STRA6: variants seen among roughly 807,000 people sequenced by gnomAD.
The protein encoded by STRA6 is receptor for retinol uptake STRA6.
A neutral mutation model predicts 83.6 loss-of-function variants in STRA6; 48 were observed. The ratio of observed to expected loss-of-function variants is 0.57; its 90% CI spans 0.46 to 0.73. The LOEUF (loss-of-function observed/expected upper bound fraction) is 0.73, where lower values mean the gene tolerates loss of function less well. Ranked by LOEUF, STRA6 falls within the 30% of genes least tolerant of loss-of-function variation. The pLI, the probability that STRA6 is intolerant of heterozygous loss-of-function variation, is 0.00. For synonymous variants in STRA6, 353 were observed against 362.3 expected (o/e 0.97, Z 0.29); for missense variants, 760 against 838.8 (o/e 0.91, Z 1.16).
chr15:74,188,468 C>G lies in STRA6; in HGVS notation c.1090+647G>C, dbSNP rs1356435126. Among the ~76,000 whole-genome samples the G allele has an allele frequency of 6.6e-6, 1 of 152,270 alleles. No homozygotes were observed. Among genetic ancestry groups the G allele is most frequent in the East Asian group, 1.9e-4 (1 of 5,204 alleles). ...GGAGCCCTGCGTTCTCTTGGCTGCA[C>G]TCTGCCCTGCTGGATGGCCTCAGGC... is the stretch of plus-strand genomic sequence containing the variant. On this transcript the variant is annotated intron_variant, in intron 12 of 18. Coordinates refer to ENST00000395105, the MANE Select transcript of STRA6 (RefSeq NM_022369.4). This position sits in a 1 kb window ranked among gnomAD's most constrained non-coding sequence, Gnocchi z 4.5.
In STRA6 at chr15:74,202,193, G is replaced by A; in HGVS notation, c.75C>T (p.Ile25=). The change falls in exon 2 of 19, where the codon ATC becomes ATT. Residue 25 remains isoleucine (I), a synonymous_variant. Transcript: ENST00000395105. ...TEDYSYGSWY[I]DEPQGGEELQ... The stretch of plus-strand genomic sequence containing the variant: ...GCTCCTCGCCCCCCTGGGGCTCATC[G>A]ATGTACCAGCTGCCATAGGAGTAGT... 6.6e-7 allele frequency: 1 copy of A among 1,517,316 alleles called. No homozygotes were observed. Among genetic ancestry groups the A allele is most frequent in the Non-Finnish European group, 8.8e-7 (1 of 1,135,946 alleles). 94.0% of individuals were successfully genotyped at this position (1,517,316 alleles called of 1,614,324 possible).
chr15:74,192,528 C>T (rs768356451), intron 8 of STRA6, among the ~76,000 whole-genome samples: 1 of 152,130 alleles, frequency 6.6e-6, no homozygotes, highest in East Asian at 1.9e-4. Context: ...CTGACCTTGC[C>T]GAGTTAACAC....
intron 4 of STRA6, among the ~76,000 whole-genome samples, chr15:74,196,989 A>C (rs1007170297): frequency 9.9e-5 from 15 of 152,216 alleles, no homozygotes; most frequent in Non-Finnish European, 1.8e-4. Context: ...TGATACCCTC[A>C]GGGAAGATGA....
rs1417541541 is a variant in STRA6 at position 74,195,676 on chromosome 15, C to A, written c.407-1G>T. 4.3e-6 allele frequency: 6 copies of A among 1,385,274 alleles called. No individual in the cohort carries two copies. Among genetic ancestry groups the A allele is most frequent in the Non-Finnish European group, 6.0e-6 (6 of 995,484 alleles). The allele number at this position is 1,385,274 out of a possible 1,614,324, so 85.8% of individuals were successfully genotyped here. A position where few individuals can be genotyped will look rare whatever the true frequency, so the allele number is the denominator to read the frequency against. The stretch of plus-strand genomic sequence containing the variant: ...CCTCTTGGAGCCTCAGTTTTCCCAT[C>A]TGTAAAATGAAAATAATCACAGTAT... On this transcript the variant is annotated splice_acceptor_variant, in intron 5 of 18. Transcript: ENST00000395105. LOFTEE classifies it high-confidence loss of function.
At chr15:74,191,135 G>A in intron 10 of STRA6, 32 bp downstream of exon 10, 2 of 1,611,872 alleles carry the variant, frequency 1.2e-6, no homozygotes, top group South Asian at 2.2e-5. Flanking sequence ...AACGTCCCCT[G>A]TCACGCTCGG....
At chr15:74,210,949 T>C (rs2074358710), upstream of STRA6, among the ~76,000 whole-genome samples, 1 of 152,046 alleles carries the variant, frequency 6.6e-6, no homozygotes, top group African/African-American at 2.4e-5. Context: ...ATGAGTTAAG[T>C]AGAATAGAGC....
chr15:74,193,995 T>C (rs1307669366), intron 7 of STRA6, 73 bp from the exon 8 acceptor site: 3 of 1,589,250 alleles, frequency 1.9e-6, no homozygotes, highest in Non-Finnish European at 2.6e-6. Flanking sequence ...TCCGTTGCCC[T>C]TCCCACCTCA....
At chr15:74,201,778 A>G (rs961081280) in intron 2 of STRA6, among the ~76,000 whole-genome samples, 16 of 152,118 alleles carry the variant, frequency 1.1e-4, no homozygotes, top group African/African-American at 3.6e-4. Flanking sequence ...ACAGAGACCA[A>G]TAACCCCTTG....
chr15:74,182,295 G>A (rs2073032353), intron 15 of STRA6, 33 bp from the exon 16 acceptor site: 1 of 1,613,182 alleles, frequency 6.2e-7, no homozygotes, highest in Non-Finnish European at 8.5e-7. Context: ...GTCGCTGTTA[G>A]CGGACCTCTA....
Position 74,182,448 on chromosome 15 carries a change from T to C in STRA6, c.1313A>G (p.Gln438Arg), listed in dbSNP as rs869025269. Residue 438 changes from glutamine to arginine, a missense_variant, in exon 15 of 19, where the codon CAG (glutamine) becomes CGG (arginine). By Grantham distance (43) the Gln-to-Arg change is conservative (BLOSUM62 1). Coordinates refer to ENST00000395105, the MANE Select transcript of STRA6 (RefSeq NM_022369.4). ...TAFICLGLLV[Q>R]QIIFFLGTTA... Reference sequence around the variant, plus strand: ...GGTTCCCAGGAAGAAGATGATCTGCTGCACCAGGAGCCCTGCCAGGGGCGG... The same window carrying C: ...GGTTCCCAGGAAGAAGATGATCTGCCGCACCAGGAGCCCTGCCAGGGGCGG... 4 of 1,609,718 alleles carry C rather than the reference T, an allele frequency of 2.5e-6. No individual in the cohort carries two copies. Among genetic ancestry groups the C allele is most frequent in the Non-Finnish European group, 3.4e-6 (4 of 1,178,094 alleles).
intron 4 of STRA6, 132 bp downstream of exon 4, chr15:74,197,205 TC>T: frequency 1.5e-6 from 1 of 675,166 alleles, no homozygotes; most frequent in Non-Finnish European, 2.6e-6. Flanking sequence ...TGAGGAAAGC[TC>T]CAGGCTGAGG....
At chr15:74,183,181 A>C in intron 14 of STRA6, 1 of 162,096 alleles carries the variant, frequency 6.2e-6, no homozygotes, top group Admixed American at 5.6e-5. Flanking sequence ...TCAGGGCAGG[A>C]CCCCCTTTGC....
At chr15:74,208,158 G>C in intron 1 of STRA6, 1 of 767,924 alleles carries the variant, frequency 1.3e-6, no homozygotes, top group Non-Finnish European at 1.7e-6. Context: ...CCCTCCCAGA[G>C]GGCTAGGCTA....
chr15:74,202,035 T>G, intron 2 of STRA6, 120 bp downstream of exon 2: 1 of 1,227,574 alleles, frequency 8.1e-7, no homozygotes, highest in Non-Finnish European at 1.0e-6. Flanking sequence ...ACACAGCAAA[T>G]GAGTGGCAGA....
Position 74,180,136 on chromosome 15 carries a change from T to C in STRA6, c.1948A>G (p.Thr650Ala), listed in dbSNP as rs748498124. ...GLAYTLLHNP[T>A]LQVFRKTALL... is the part of the protein sequence containing the mutation. ...GCCGTCTTGCGGAAGACCTGCAGGG[T>C]TGGGTTGTGCAGCAGCGTGTAGGCC... The change falls in exon 19 of 19, where the codon ACC becomes GCC. Residue 650 changes from threonine to alanine, a missense_variant. Coordinates refer to ENST00000395105, the MANE Select transcript of STRA6 (RefSeq NM_022369.4). 1.9e-6 allele frequency: 3 copies of C among 1,613,664 alleles called. No individual in the cohort carries two copies. The highest frequency in any genetic ancestry group is 1.7e-6 in the Non-Finnish European group (2 of 1,179,798).
chr15:74,206,368 C>A (rs924113086), upstream of STRA6, among the ~76,000 whole-genome samples: 6 of 152,150 alleles, frequency 3.9e-5, no homozygotes, highest in East Asian at 9.7e-4. Context: ...GGGCTAGAAT[C>A]GCTTGGAGCT....
At chr15:74,203,065 A>G (rs1019073358), upstream of STRA6, 5 of 985,528 alleles carry the variant, frequency 5.1e-6, no homozygotes, top group African/African-American at 8.7e-5. Flanking sequence ...AGTGCCGCAC[A>G]CAGACAGGAG....
chr15:74,189,143 C>T lies in STRA6; in HGVS notation c.1062G>A (p.Leu354=), dbSNP rs535549755. 1 of 1,614,170 alleles carries T rather than the reference C, an allele frequency of 6.2e-7. No individual in the cohort carries two copies. Among genetic ancestry groups the T allele is most frequent in the East Asian group, 2.2e-5 (1 of 44,886 alleles). Residue 354 remains leucine, a synonymous_variant, in exon 12 of 19, where the codon CTG becomes CTA. Transcript: ENST00000395105. ...CCAGAGCCCACAGATGGTGCTTCACCAGCTCCACCACCTCCTGCTTGTCCT... is the reference window on the plus strand; with the variant it reads ...CCAGAGCCCACAGATGGTGCTTCACTAGCTCCACCACCTCCTGCTTGTCCT... ...LSEDKQEVVE[L]VKHHLWALEV... is the part of the protein sequence containing the mutation.
At position 74,191,178 on chromosome 15, in the gene STRA6, G is replaced by A; in HGVS notation, c.854C>T (p.Thr285Ile). 6.2e-7 allele frequency: 1 copy of A among 1,614,062 alleles called. No individual in the cohort carries two copies. Among genetic ancestry groups the A allele is most frequent in the Non-Finnish European group, 8.5e-7 (1 of 1,179,982 alleles). ...TCCCAACCCCATACCTGGCTGTGGAGTGTAGATGCAGTGTCTCAAGCAGAC... is the reference window on the plus strand; with the variant it reads ...TCCCAACCCCATACCTGGCTGTGGAATGTAGATGCAGTGTCTCAAGCAGAC... ...ARVCLRHCIY[T>I]PQPGFHLPLK... The change falls in exon 10 of 19, where the codon ACT (threonine) becomes ATT (isoleucine). Residue 285 changes from threonine (T) to isoleucine (I), a missense_variant. By Grantham distance (89) the Thr-to-Ile change is moderately conservative. Coordinates refer to ENST00000395105, the MANE Select transcript of STRA6 (RefSeq NM_022369.4).
Sources: allele counts gnomAD v4.1 joint callset (sites outside exome capture counted in the v4.1 genomes callset), GRCh38; gene constraint gnomAD v4.1.1; non-coding constraint Gnocchi (gnomAD v3.1); transcripts MANE v1.5; gene names NCBI Gene and HGNC (gene_info 2026-07-23, HGNC 2026-07-21).